TPM3: variants seen among roughly 807,000 people sequenced by gnomAD.
TPM3 encodes tropomyosin 3, also known as tropomyosin alpha-3 chain.
In TPM3, 16 loss-of-function variants were observed where a neutral mutation model predicts 43.1. The ratio of observed to expected loss-of-function variants is 0.37; its 90% confidence interval spans 0.25 to 0.56. The LOEUF (loss-of-function observed/expected upper bound fraction) is 0.56. TPM3 is among the 20% of genes least tolerant of loss of function. TPM3 has a pLI of 0.77. For missense variants in TPM3, 176 were observed against 337.2 expected (o/e 0.52, Z 3.74); for synonymous variants, 101 against 116.9 (o/e 0.86, Z 0.88).
In TPM3 at chr1:154,188,914, T is replaced by G. The variant is rs928472696; in HGVS notation, c.243+2272A>C. 2.8e-4 allele frequency among the ~76,000 whole-genome samples: 42 copies of G among 151,262 alleles called. 2 individuals carry two copies. Among genetic ancestry groups the G allele is most frequent in the African/African-American group, 1.0e-3 (42 of 40,916 alleles). ...GAGAGGCCAAGGTGGGTGGATCACT[T>G]GAGGTCAGGAGTTGGAGACCAGCCT... is the stretch of plus-strand genomic sequence containing the variant. On this transcript the variant is annotated intron_variant, in intron 2 of 9. Transcript: ENST00000651641.
chr1:154,175,255 C>T (rs925796000), intron 3 of TPM3, among the ~76,000 whole-genome samples: 12 of 143,336 alleles, frequency 8.4e-5, no homozygotes, highest in Non-Finnish European at 1.5e-4. Flanking sequence ...GGCGTGAACC[C>T]GGGAGGCGGA....
chr1:154,184,057 T>C (rs1196398028), intron 2 of TPM3, among the ~76,000 whole-genome samples: 1 of 151,884 alleles, frequency 6.6e-6, no homozygotes, highest in Non-Finnish European at 1.5e-5. Context: ...GTTTTGTTTT[T>C]TATTTTTTGG....
chr1:154,158,913 A>G, downstream of TPM3: 1 of 776,876 alleles, frequency 1.3e-6, no homozygotes, highest in Non-Finnish European at 2.4e-6. Flanking sequence ...GTTGGGGTCC[A>G]GGTCAGTGGT....
downstream of TPM3, among the ~76,000 whole-genome samples, chr1:154,160,610 G>A (rs1007533553): frequency 6.6e-6 from 1 of 152,174 alleles, no homozygotes; most frequent in African/African-American, 2.4e-5. Flanking sequence ...GGGAGATTTT[G>A]AGTATGTATG....
rs1233681047 is a variant in TPM3 at position 154,179,396 on chromosome 1, T to C, written c.244-3148A>G. Among the ~76,000 whole-genome samples, 4 of 152,274 alleles carry C rather than the reference T, an allele frequency of 2.6e-5. No homozygotes were observed. In the South Asian group the frequency reaches 8.3e-4, roughly 32 times the overall value. ...GCAAAGCAACCAAAGAAAGGTTGCTTAGTCCACCAGGCCCACGAATAGAAG... is the reference window on the plus strand; with the variant it reads ...GCAAAGCAACCAAAGAAAGGTTGCTCAGTCCACCAGGCCCACGAATAGAAG... On this transcript the variant is annotated intron_variant, in intron 2 of 9. Coordinates refer to ENST00000651641, the MANE Select transcript of TPM3 (RefSeq NM_152263.4).
intron 6 of TPM3, chr1:154,170,970 C>A (rs1571398432): frequency 3.6e-6 from 2 of 551,558 alleles, no homozygotes; most frequent in East Asian, 6.2e-5. Context: ...TCAGATCAAC[C>A]CAAGGAGGTG....
At chr1:154,176,001 T>C in intron 3 of TPM3, 114 bp downstream of exon 3, 3 of 1,550,578 alleles carry the variant, frequency 1.9e-6, no homozygotes, top group African/African-American at 2.7e-5. Context: ...ATTACAGGCG[T>C]GAGCCATCAC....
rs1571386898 is a variant in TPM3, at chr1:154,167,826, G to A, written c.*111C>T. 1.1e-5 allele frequency: 18 copies of A among 1,610,138 alleles called. No homozygotes were observed. In the East Asian group the frequency reaches 4.0e-4, roughly 36 times the overall value. ...TTGCTTTTTGCTCCCCCATCCTAAT[G>A]CCTTGGGGACCAGCCAGGCTGACCC... is the stretch of plus-strand genomic sequence containing the variant. On this transcript the variant is annotated 3_prime_UTR_variant, in exon 10 of 10. Transcript: ENST00000651641.
intron 9 of TPM3, among the ~76,000 whole-genome samples, chr1:154,168,518 A>G (rs977855995): frequency 2.0e-5 from 3 of 152,134 alleles, no homozygotes; most frequent in African/African-American, 7.2e-5. Flanking sequence ...TCCAAGATTA[A>G]TTGCCTCCAG....
Position 154,173,235 on chromosome 1 carries a change from C to G in TPM3, c.378-34G>C, listed in dbSNP as rs368111537. The G allele has an allele frequency of 2.2e-5, 34 of 1,568,530 alleles. No individual in the cohort carries two copies. In the African/African-American group the frequency reaches 4.6e-4, roughly 21 times the overall value. ...AATAGGACAAAAGCAATACTGACAC[C>G]CTGAGGAGTGTGTCGTCAGCTCCAC... On this transcript the variant is annotated intron_variant, in intron 3 of 9. Coordinates refer to ENST00000651641, the MANE Select transcript of TPM3 (RefSeq NM_152263.4).
chr1:154,180,543 C>T (rs1662828137), intron 2 of TPM3, among the ~76,000 whole-genome samples: 1 of 152,136 alleles, frequency 6.6e-6, no homozygotes, highest in South Asian at 2.1e-4. Flanking sequence ...CTTCCCCATT[C>T]TGAGGACTTC....
At chr1:154,170,315 T>C (rs1661424687) in intron 8 of TPM3, 85 bp downstream of exon 8, 3 of 1,467,260 alleles carry the variant, frequency 2.0e-6, no homozygotes, top group Non-Finnish European at 2.9e-6. Context: ...CCAACTTCCT[T>C]TGGTGTACAG....
rs960108775 is a variant in TPM3 at position 154,178,839 on chromosome 1, C to T, written c.244-2591G>A. Among the ~76,000 whole-genome samples the T allele has an allele frequency of 2.6e-5, 4 of 152,196 alleles. No individual in the cohort carries two copies. The East Asian group carries it at 5.8e-4, about 22-fold the overall frequency. The stretch of plus-strand genomic sequence containing the variant: ...TCCCTTCAAGTAATAATAGGATTCT[C>T]CACTGCCCAGGAAGCAAAGATCCTG... On this transcript the variant is annotated intron_variant, in intron 2 of 9. Coordinates refer to ENST00000651641, the MANE Select transcript of TPM3 (RefSeq NM_152263.4).
chr1:154,167,654 C>G lies in TPM3; in HGVS notation c.*283G>C, dbSNP rs886045316. ...TTACATAAGTCAGAGGAGGGGGAGC[C>G]TACAATAGCTCTTCCCCACATCACA... On this transcript the variant is annotated 3_prime_UTR_variant, in exon 10 of 10. Coordinates refer to ENST00000651641, the MANE Select transcript of TPM3 (RefSeq NM_152263.4). 1.5e-6 allele frequency: 2 copies of G among 1,310,284 alleles called. No individual in the cohort carries two copies. The highest frequency in any genetic ancestry group is 3.2e-5 in the Admixed American group (1 of 31,522). 81.2% of individuals were successfully genotyped at this position (1,310,284 alleles called of 1,614,324 possible).
At chr1:154,187,411 T>C (rs1663454532) in intron 2 of TPM3, 1 of 984,676 alleles carries the variant, frequency 1.0e-6, no homozygotes, top group African/African-American at 1.8e-5. Flanking sequence ...TTCTTATGCA[T>C]ATCTCTGAGG....
chr1:154,182,847 C>T, intron 2 of TPM3: 3 of 1,304,212 alleles, frequency 2.3e-6, no homozygotes, highest in African/African-American at 1.5e-5. Context: ...TGCTGAGCCC[C>T]ACCCATCCTC....
At chr1:154,170,170 C>T (rs1252275557) in intron 8 of TPM3, 7 of 545,266 alleles carry the variant, frequency 1.3e-5, no homozygotes, top group Non-Finnish European at 2.3e-5. Context: ...GGGAAGGGTA[C>T]AAATTGCAGA....
chr1:154,157,283 G>A (rs770117216), downstream of TPM3: 15 of 418,206 alleles, frequency 3.6e-5, no homozygotes, highest in Admixed American at 7.6e-5. Flanking sequence ...TTCGATTGCT[G>A]CTTCAGGACT....
chr1:154,172,400 CA>C (rs2148239254), intron 5 of TPM3: 1 of 611,612 alleles, frequency 1.6e-6, no homozygotes. Context: ...GCAAAGTGGC[CA>C]AAACAGACAC....
Sources: gnomAD v4.1 joint callset for allele counts (sites outside exome capture counted in the v4.1 genomes callset) on GRCh38, gnomAD v4.1.1 for gene constraint, MANE v1.5 for transcripts, NCBI Gene and HGNC (gene_info 2026-07-23, HGNC 2026-07-21) for gene names.